The following UBE2V2 variants were observed in gnomAD, a reference collection of about 807,000 sequenced individuals.
UBE2V2 encodes ubiquitin conjugating enzyme E2 V2.
Under a neutral mutation model 17.2 loss-of-function variants are expected in UBE2V2, and 9 were observed. The ratio of observed to expected loss-of-function variants is 0.52; its 90% CI spans 0.32 to 0.91. The LOEUF is 0.91. Ranked by LOEUF, UBE2V2 falls within the 40% of genes least tolerant of loss-of-function variation. UBE2V2 has a pLI of 0.04. For synonymous variants in UBE2V2, 61 were observed against 57.5 expected, an observed-to-expected ratio of 1.06 and a Z score of -0.28; for missense variants, 133 against 182.6, an observed-to-expected ratio of 0.73 and a Z score of 1.56.
intron 1 of UBE2V2, among the ~76,000 whole-genome samples, chr8:48,024,213 A>G (rs986865635): frequency 7.2e-5 from 11 of 152,200 alleles, no homozygotes; most frequent in Non-Finnish European, 4.4e-5. Flanking sequence ...GACCAAGTTC[A>G]TTTTATAGAT....
intron 1 of UBE2V2, among the ~76,000 whole-genome samples, chr8:48,031,948 A>G (rs576494444): frequency 6.6e-6 from 1 of 152,218 alleles, no homozygotes; most frequent in East Asian, 1.9e-4. Context: ...TGTTTTTATA[A>G]ATTACATTTT....
rs1172189125 is a variant in UBE2V2, at chr8:48,047,250, A to AT, written c.166-2597dup. Among the ~76,000 whole-genome samples the AT allele has an allele frequency of 3.9e-5, 6 of 152,168 alleles. No individual in the cohort carries two copies. The Middle Eastern group carries it at 0.017, about 431-fold the overall frequency. On this transcript the variant is annotated intron_variant, in intron 2 of 3. Transcript: ENST00000523111. ...GCCACCATGTCCAGCCAGATCCCTC[A>AT]TTTTTTATGTTGTTCTAGTATTTAT...
chr8:48,049,921 G>T lies in UBE2V2; in HGVS notation c.234G>T (p.Pro78=), dbSNP rs369843457. The change falls in exon 3 of 4, where the codon CCG becomes CCT. Residue 78 remains proline, a synonymous_variant. Coordinates refer to ENST00000523111, the MANE Select transcript of UBE2V2 (RefSeq NM_003350.3). ...ECGPKYPEAP[P]SVRFVTKINM... is the part of the protein sequence containing the mutation. ...GACCTAAATACCCAGAAGCTCCTCC[G>T]TCAGTTAGATTTGTAACAAAAATTA... 2 of 1,584,638 alleles carry T rather than the reference G, an allele frequency of 1.3e-6. No homozygotes were observed. Among genetic ancestry groups the T allele is most frequent in the Non-Finnish European group, 1.7e-6 (2 of 1,169,460 alleles).
intron 1 of UBE2V2, among the ~76,000 whole-genome samples, chr8:48,019,753 T>A (rs1027123086): frequency 4.6e-5 from 7 of 151,854 alleles, no homozygotes; most frequent in South Asian, 2.1e-4. Context: ...AGGTGGAGGC[T>A]GCAGTGAGCC....
At chr8:48,046,429 T>C (rs2091499546) in intron 2 of UBE2V2, among the ~76,000 whole-genome samples, 1 of 151,586 alleles carries the variant, frequency 6.6e-6, no homozygotes, top group African/African-American at 2.4e-5. Context: ...AATTTTGTAT[T>C]TTTAGTGGGG....
chr8:48,057,781 A>T (rs2091582475), intron 3 of UBE2V2, among the ~76,000 whole-genome samples: 1 of 152,024 alleles, frequency 6.6e-6, no homozygotes, highest in South Asian at 2.1e-4. Context: ...TTTATTTCAG[A>T]TTGTTGCAAG....
chr8:48,014,439 TG>T (rs373306964), intron 1 of UBE2V2, among the ~76,000 whole-genome samples: 2,204 of 151,330 alleles, frequency 0.015, 43 homozygotes, highest in African/African-American at 0.043. Context: ...GGTCAGGAGA[TG>T]GGAGACCATC....
chr8:48,035,464 G>A (rs903620588), intron 1 of UBE2V2, among the ~76,000 whole-genome samples: 5 of 151,976 alleles, frequency 3.3e-5, no homozygotes, highest in African/African-American at 4.8e-5. Context: ...GAAGGTTTGC[G>A]CAGCTTCAAG....
Position 48,061,119 on chromosome 8 carries a change from T to G in UBE2V2, c.*291T>G, listed in dbSNP as rs979701635. 7.4e-5 allele frequency: 15 copies of G among 203,402 alleles called. No homozygotes were observed. The highest frequency in any genetic ancestry group is 3.2e-4 in the African/African-American group (14 of 43,544). 12.6% of individuals were successfully genotyped at this position (203,402 alleles called of 1,614,324 possible). ...TACAAGATGAAAGCGTGTGGAGAAG[T>G]GTCAGATGGCAGTGGAAGCATGTGT... On this transcript the variant is annotated 3_prime_UTR_variant, in exon 4 of 4. Transcript: ENST00000523111.
At chr8:48,000,205 G>C in the UBE2V2 span, among the ~76,000 whole-genome samples, 1 of 152,208 alleles carries the variant, frequency 6.6e-6, no homozygotes, top group East Asian at 1.9e-4. Flanking sequence ...TCTCTGGAAT[G>C]TATGCATGTT....
chr8:48,046,631 A>T (rs964337929), intron 2 of UBE2V2, among the ~76,000 whole-genome samples: 1 of 151,566 alleles, frequency 6.6e-6, no homozygotes, highest in East Asian at 2.0e-4. Context: ...AGATAGTCTC[A>T]CTCTGTCAAC....
intron 1 of UBE2V2, among the ~76,000 whole-genome samples, chr8:48,038,599 C>T (rs1463895572): frequency 6.6e-6 from 1 of 151,954 alleles, no homozygotes; most frequent in Non-Finnish European, 1.5e-5. Flanking sequence ...CTGCCTCAGC[C>T]TCCCAGGTAG....
upstream of UBE2V2, among the ~76,000 whole-genome samples, chr8:48,004,224 A>T (rs535647941): frequency 3.1e-4 from 47 of 152,344 alleles, no homozygotes; most frequent in South Asian, 1.7e-3. Context: ...CAGTAAGGAC[A>T]TAATAAATGT....
upstream of UBE2V2, among the ~76,000 whole-genome samples, chr8:48,007,568 C>CT (rs528067517): frequency 0.17 from 20,333 of 121,166 alleles, 2,746 homozygotes; most frequent in African/African-American, 0.37. Flanking sequence ...TGTGAAAAAT[C>CT]TTTTTTTTTT....
intron 1 of UBE2V2, among the ~76,000 whole-genome samples, chr8:48,030,850 C>T (rs1057097708): frequency 6.6e-6 from 1 of 151,976 alleles, no homozygotes; most frequent in Admixed American, 6.6e-5. Context: ...GGTGAAACCC[C>T]GTCTCTACTA....
At position 48,043,060 on chromosome 8, in the gene UBE2V2, T is replaced by C; in HGVS notation, c.44T>C (p.Leu15Ser). 6.3e-7 allele frequency: 1 copy of C among 1,575,240 alleles called. No homozygotes were observed. Among genetic ancestry groups the C allele is most frequent in the Non-Finnish European group, 8.6e-7 (1 of 1,160,522 alleles). ...GTTAAAGTTCCTCGTAATTTTCGCT[T>C]GTTGGAAGAACTTGAAGAAGGACAA... is the stretch of plus-strand genomic sequence containing the variant. ...TGVKVPRNFRLLEELEEGQKG... is the reference protein window; with the variant it reads ...TGVKVPRNFRSLEELEEGQKG... Residue 15 changes from leucine to serine, a missense_variant, in exon 2 of 4, where the codon TTG becomes TCG. By Grantham distance (145) the Leu-to-Ser change is moderately radical (BLOSUM62 -2). Around this residue, in one of 3 missense-constraint regions of UBE2V2, gnomAD observed 27 missense variants for 20.1 expected, o/e 1.34. Coordinates refer to ENST00000523111, the MANE Select transcript of UBE2V2 (RefSeq NM_003350.3).
intron 3 of UBE2V2, among the ~76,000 whole-genome samples, chr8:48,060,209 CAAAA>C (rs557515958): frequency 2.3e-5 from 1 of 43,818 alleles, no homozygotes; most frequent in South Asian, 9.3e-4. Context: ...GACTCTGTCT[CAAAA>C]AAAAAAAAAA....
intron 1 of UBE2V2, among the ~76,000 whole-genome samples, chr8:48,018,897 C>T (rs1014748859): frequency 2.0e-5 from 3 of 152,086 alleles, no homozygotes; most frequent in Admixed American, 6.6e-5. Flanking sequence ...TACATAATGA[C>T]CTTCTCTATC....
chr8:48,033,931 T>C lies in UBE2V2; in HGVS notation c.17-9102T>C, dbSNP rs144051028. On this transcript the variant is annotated intron_variant, in intron 1 of 3. Transcript: ENST00000523111. The stretch of plus-strand genomic sequence containing the variant: ...TTGATTAAGCCACTGTGCTCTAGCC[T>C]GGGCAATAGAGGGAGACCCTGTTGC... Among the ~76,000 whole-genome samples, 9 of 152,192 alleles carry C rather than the reference T, an allele frequency of 5.9e-5. No homozygotes were observed. The East Asian group carries it at 1.5e-3, about 26-fold the overall frequency.
Sources: allele counts gnomAD v4.1 joint callset (sites outside exome capture counted in the v4.1 genomes callset), GRCh38; gene constraint gnomAD v4.1.1; regional missense constraint gnomAD v4.1.1; transcripts MANE v1.5; gene names NCBI Gene and HGNC (gene_info 2026-07-23, HGNC 2026-07-21).